Variants in NTM observed in about 807,000 individuals in gnomAD.
NTM encodes neurotrimin.
Under a neutral mutation model 42.1 loss-of-function variants are expected in NTM, and 13 were observed. That is an observed-to-expected ratio of 0.31 (90% confidence interval 0.20 to 0.49). The LOEUF (loss-of-function observed/expected upper bound fraction) is 0.49, where lower values mean the gene tolerates loss of function less well. Ranked by LOEUF, NTM falls within the 20% of genes least tolerant of loss-of-function variation. The probability of loss-of-function intolerance (pLI) is 0.99; values close to 1 mark genes in which losing one functional copy is unlikely to be tolerated. For missense variants in NTM, 373 were observed against 452.8 expected (o/e 0.82, Z 1.60); for synonymous variants, 187 against 179.2 (o/e 1.04, Z -0.35).
chr11:131,829,024 C>G (rs975430239), intron 1 of NTM, among the ~76,000 whole-genome samples: 2 of 151,956 alleles, frequency 1.3e-5, no homozygotes, highest in African/African-American at 4.8e-5. Flanking sequence ...CACATACACA[C>G]AAGCACTCAC....
chr11:131,910,362 C>CT (rs922142384), intron 1 of NTM, among the ~76,000 whole-genome samples: 30 of 152,266 alleles, frequency 2.0e-4, no homozygotes, highest in Admixed American at 6.5e-4. Context: ...GTAACTTTGT[C>CT]TTTTTTCCTA....
intron 4 of NTM, among the ~76,000 whole-genome samples, chr11:132,300,327 C>A (rs2094797915): frequency 6.6e-6 from 1 of 152,186 alleles, no homozygotes; most frequent in Non-Finnish European, 1.5e-5. Context: ...GTACTTTACT[C>A]ATATTTAGTC....
chr11:132,298,721 T>A (rs578066187), intron 4 of NTM, among the ~76,000 whole-genome samples: 1 of 152,298 alleles, frequency 6.6e-6, no homozygotes, highest in East Asian at 1.9e-4. Context: ...CAAAAAAAAA[T>A]TAAGGGAATT....
At chr11:132,174,986 T>G (rs894475632) in intron 3 of NTM, among the ~76,000 whole-genome samples, 2 of 152,140 alleles carry the variant, frequency 1.3e-5, no homozygotes, top group African/African-American at 2.4e-5. Flanking sequence ...GCATGGCTGT[T>G]CTGAACCAGG....
intron 1 of NTM, chr11:131,582,426 CG>C (rs1263252477): frequency 6.6e-6 from 1 of 152,082 alleles, no homozygotes; most frequent in African/African-American, 2.4e-5. Flanking sequence ...TAGCAGTTGC[CG>C]CGCTTCCAAA....
intron 2 of NTM, among the ~76,000 whole-genome samples, chr11:132,072,508 C>T (rs1414332736): frequency 6.6e-6 from 1 of 152,180 alleles, no homozygotes; most frequent in African/African-American, 2.4e-5. Context: ...CTTGGGCAAT[C>T]TGATAGTTGT....
At chr11:132,104,937 G>GTGTGTGTATATATA (rs1169190929) in intron 2 of NTM, among the ~76,000 whole-genome samples, 2 of 61,824 alleles carry the variant, frequency 3.2e-5, no homozygotes, top group African/African-American at 1.2e-4. Context: ...ATATACATAT[G>GTGTGTGTATATATA]TATATATATA....
chr11:132,245,126 G>A (rs924047438), intron 4 of NTM, among the ~76,000 whole-genome samples: 2 of 152,196 alleles, frequency 1.3e-5, no homozygotes, highest in Non-Finnish European at 2.9e-5. Context: ...GAGGTTCCCC[G>A]GCCCCTGCCA....
At chr11:131,825,167 C>T (rs914080392) in intron 1 of NTM, among the ~76,000 whole-genome samples, 3 of 152,118 alleles carry the variant, frequency 2.0e-5, no homozygotes, top group Non-Finnish European at 4.4e-5. Flanking sequence ...ATGCTTCATC[C>T]CAATCTCTGC....
At chr11:131,546,274 C>T (rs1412231978) in intron 1 of NTM, among the ~76,000 whole-genome samples, 5 of 152,048 alleles carry the variant, frequency 3.3e-5, no homozygotes, top group Non-Finnish European at 4.4e-5. Context: ...AAACTAAACC[C>T]GGTTCTTCTT....
intron 1 of NTM, among the ~76,000 whole-genome samples, chr11:131,637,650 C>T (rs1340501165): frequency 3.3e-5 from 5 of 151,808 alleles, no homozygotes; most frequent in Non-Finnish European, 7.4e-5. Context: ...TAATTATCTG[C>T]TCATCTCTGC....
intron 2 of NTM, among the ~76,000 whole-genome samples, chr11:131,999,262 G>A (rs139458797): frequency 6.6e-6 from 1 of 152,212 alleles, no homozygotes; most frequent in African/African-American, 2.4e-5. Context: ...TTTCTAAAAA[G>A]CACGTGTGCT....
At chr11:131,899,854 A>G (rs1254726102) in intron 1 of NTM, among the ~76,000 whole-genome samples, 3 of 152,214 alleles carry the variant, frequency 2.0e-5, no homozygotes, top group African/African-American at 4.8e-5. Context: ...GTGAATACCA[A>G]ATGTCATCAT....
chr11:132,274,166 C>A (rs980530726), intron 4 of NTM, among the ~76,000 whole-genome samples: 1 of 151,876 alleles, frequency 6.6e-6, no homozygotes, highest in Non-Finnish European at 1.5e-5. Context: ...TGTCAAATAA[C>A]CAACAATTGA....
intron 4 of NTM, among the ~76,000 whole-genome samples, chr11:132,247,228 G>A (rs866821483): frequency 6.6e-6 from 1 of 152,220 alleles, no homozygotes; most frequent in South Asian, 2.1e-4. Context: ...AGACAGGGAG[G>A]TTGTCAGAGA....
At chr11:132,257,761 G>A (rs2092591880) in intron 4 of NTM, among the ~76,000 whole-genome samples, 1 of 152,200 alleles carries the variant, frequency 6.6e-6, no homozygotes, top group African/African-American at 2.4e-5. Flanking sequence ...CAATTTATGT[G>A]TGGCAGGGCC....
At chr11:131,793,388 A>G (rs146651678) in intron 1 of NTM, among the ~76,000 whole-genome samples, 85 of 152,322 alleles carry the variant, frequency 5.6e-4, no homozygotes, top group South Asian at 1.5e-3. Context: ...CTAGGTTCTC[A>G]GGTGACTCAA....
At chr11:131,985,299 A>T (rs151191797) in intron 2 of NTM, among the ~76,000 whole-genome samples, 1 of 152,218 alleles carries the variant, frequency 6.6e-6, no homozygotes, top group African/African-American at 2.4e-5. Context: ...ACAGACTTCT[A>T]TCTCATTCTG....
At chr11:131,839,444 G>A (rs1173015677) in intron 1 of NTM, among the ~76,000 whole-genome samples, 2 of 152,174 alleles carry the variant, frequency 1.3e-5, no homozygotes, top group Admixed American at 1.3e-4. Flanking sequence ...GACATCTGGG[G>A]AAAGAAAGTC....
Sources: gnomAD v4.1 joint callset for allele counts (sites outside exome capture counted in the v4.1 genomes callset) on GRCh38, gnomAD v4.1.1 for gene constraint, MANE v1.5 for transcripts, NCBI Gene and HGNC (gene_info 2026-07-23, HGNC 2026-07-21) for gene names.